The following GAP43 variants were observed in gnomAD, a reference collection of about 807,000 sequenced individuals.
GAP43 encodes the protein neuromodulin.
GAP43 carries 6 observed loss-of-function variants against 18.6 expected under a neutral mutation model. That is an observed-to-expected ratio of 0.32 (90% CI 0.18 to 0.64). The LOEUF (loss-of-function observed/expected upper bound fraction) is 0.64. Among genes scored for constraint, GAP43 ranks in the 30% least tolerant of loss-of-function variants. The probability of loss-of-function intolerance (pLI) is 0.78; values close to 1 mark genes in which losing one functional copy is unlikely to be tolerated. For missense variants in GAP43, 292 were observed against 295.5 expected, an observed-to-expected ratio of 0.99 and a Z score of 0.09; for synonymous variants, 115 against 111.4, an observed-to-expected ratio of 1.03 and a Z score of -0.20.
At position 115,635,599 on chromosome 3, in the gene GAP43, C is replaced by A. The variant is rs575627863; in HGVS notation, c.30+11880C>A. Reference sequence around the variant, plus strand: ...CTTCTAGTAAAAACTGTCATGGGATCGTTAATGACCACAGATGGCTCAGAC... The same window carrying A: ...CTTCTAGTAAAAACTGTCATGGGATAGTTAATGACCACAGATGGCTCAGAC... On this transcript the variant is annotated intron_variant, in intron 1 of 2. Transcript: ENST00000305124. Among the ~76,000 whole-genome samples the A allele has an allele frequency of 3.2e-4, 49 of 151,920 alleles. No homozygotes were observed. The East Asian group carries it at 9.3e-3, about 29-fold the overall frequency.
chr3:115,674,175 G>T (rs142081132), intron 1 of GAP43, among the ~76,000 whole-genome samples: 1 of 152,152 alleles, frequency 6.6e-6, no homozygotes, highest in Non-Finnish European at 1.5e-5. Flanking sequence ...GAGAAGAGGC[G>T]CCGAACATGT....
chr3:115,682,095 G>A (rs1708963973), intron 2 of GAP43, among the ~76,000 whole-genome samples: 1 of 152,160 alleles, frequency 6.6e-6, no homozygotes, highest in Non-Finnish European at 1.5e-5. Context: ...TTACAGATGG[G>A]TGTCTAGTAA....
intron 2 of GAP43, among the ~76,000 whole-genome samples, chr3:115,708,783 G>A (rs1709396994): frequency 6.6e-6 from 1 of 152,068 alleles, no homozygotes. Flanking sequence ...GGCAGCTGGG[G>A]GATGGGAGCA....
chr3:115,646,126 C>A (rs993566634), intron 1 of GAP43, among the ~76,000 whole-genome samples: 1 of 152,110 alleles, frequency 6.6e-6, no homozygotes, highest in Non-Finnish European at 1.5e-5. Context: ...TCCTATTATT[C>A]TTTCACTGTC....
chr3:115,676,774 G>A (rs553863254), intron 2 of GAP43, among the ~76,000 whole-genome samples, 164 bp downstream of exon 2: 1 of 152,042 alleles, frequency 6.6e-6, no homozygotes, highest in Non-Finnish European at 1.5e-5. Context: ...AGGACTAAGA[G>A]CTAAGGTTAC....
chr3:115,682,021 C>T lies in GAP43; in HGVS notation c.628+5411C>T, dbSNP rs187977300. ...CCAACAATGTGTTATAATATAAGAA[C>T]ATCTCTCTTCTTTGGATAATTGGAT... On this transcript the variant is annotated intron_variant, in intron 2 of 2. Coordinates refer to ENST00000305124, the MANE Select transcript of GAP43 (RefSeq NM_002045.4). Among the ~76,000 whole-genome samples, 3 of 152,332 alleles carry T rather than the reference C, an allele frequency of 2.0e-5. No individual in the cohort carries two copies. In the East Asian group the frequency reaches 5.8e-4, roughly 29 times the overall value.
At chr3:115,660,357 C>A (rs1708642311) in intron 1 of GAP43, among the ~76,000 whole-genome samples, 2 of 152,168 alleles carry the variant, frequency 1.3e-5, no homozygotes, top group Admixed American at 1.3e-4. Flanking sequence ...CAGATAACTT[C>A]TTAGATGTTT....
chr3:115,719,559 G>A (rs985702016), intron 2 of GAP43, among the ~76,000 whole-genome samples: 1 of 152,182 alleles, frequency 6.6e-6, no homozygotes, highest in African/African-American at 2.4e-5. Context: ...CCTAATAGAT[G>A]ACATCTTCCA....
At chr3:115,707,686 T>C (rs950408193) in intron 2 of GAP43, among the ~76,000 whole-genome samples, 2 of 152,202 alleles carry the variant, frequency 1.3e-5, no homozygotes, top group Admixed American at 6.5e-5. Context: ...TTATAGTAGA[T>C]ATCTATTTCT....
intron 1 of GAP43, among the ~76,000 whole-genome samples, chr3:115,665,357 A>G (rs1299807567): frequency 6.6e-6 from 1 of 152,096 alleles, no homozygotes; most frequent in Admixed American, 6.6e-5. Context: ...ATACTTTTCG[A>G]GTGTTCATTG....
chr3:115,652,389 A>ATTTTTTTTTTTTTTTTTTTTTTTTTT (rs1708531283), intron 1 of GAP43, among the ~76,000 whole-genome samples: 1 of 25,590 alleles, frequency 3.9e-5, no homozygotes, highest in African/African-American at 1.2e-4. Flanking sequence ...TTTTTTTGTG[A>ATTTTTTTTTTTTTTTTTTTTTTTTTT]TAGAGTCTTG....
intron 1 of GAP43, among the ~76,000 whole-genome samples, chr3:115,669,997 A>ATTTTTTTT (rs200282076): frequency 8.1e-6 from 1 of 123,510 alleles, no homozygotes; most frequent in Non-Finnish European, 1.7e-5. Flanking sequence ...TTTTTTTTTA[A>ATTTTTTTT]TTTTTTTTTT....
chr3:115,706,931 T>C (rs973161097), intron 2 of GAP43, among the ~76,000 whole-genome samples: 2 of 152,206 alleles, frequency 1.3e-5, no homozygotes, highest in Non-Finnish European at 2.9e-5. Context: ...AAAATGTTTA[T>C]TGTCATTTAA....
chr3:115,703,890 A>G (rs1709326791), intron 2 of GAP43, among the ~76,000 whole-genome samples: 1 of 152,114 alleles, frequency 6.6e-6, no homozygotes, highest in South Asian at 2.1e-4. Flanking sequence ...AAAATAAGTA[A>G]ACAGCTTGGA....
At chr3:115,696,584 C>A (rs9871719) in intron 2 of GAP43, among the ~76,000 whole-genome samples, 6,674 of 120,822 alleles carry the variant, frequency 0.055, 375 homozygotes, top group African/African-American at 0.084. Context: ...CACCGCCCCC[C>A]CCCCCCACAA....
intron 1 of GAP43, among the ~76,000 whole-genome samples, chr3:115,655,015 C>A (rs1427592817): frequency 1.3e-5 from 2 of 152,092 alleles, no homozygotes; most frequent in African/African-American, 4.8e-5. Context: ...TGATACTGGG[C>A]AAATCTCCAC....
intron 2 of GAP43, among the ~76,000 whole-genome samples, chr3:115,708,948 T>G (rs1709400878): frequency 6.6e-6 from 1 of 150,402 alleles, no homozygotes; most frequent in Non-Finnish European, 1.5e-5. Context: ...GGGTTTTTTT[T>G]TTTTTTTTTT....
At chr3:115,714,249 T>C (rs925822882) in intron 2 of GAP43, among the ~76,000 whole-genome samples, 1 of 152,218 alleles carries the variant, frequency 6.6e-6, no homozygotes, top group African/African-American at 2.4e-5. Flanking sequence ...ATCAAGAATA[T>C]ATGAATTTAC....
At position 115,720,894 on chromosome 3, in the gene GAP43, TG is replaced by T; in HGVS notation, c.*14del. 1 of 1,598,986 alleles carries T rather than the reference TG, an allele frequency of 6.3e-7. No homozygotes were observed. The highest frequency in any genetic ancestry group is 1.7e-5 in the Admixed American group (1 of 59,752). On this transcript the variant is annotated 3_prime_UTR_variant, in exon 3 of 3. Coordinates refer to ENST00000305124, the MANE Select transcript of GAP43 (RefSeq NM_002045.4). The stretch of plus-strand genomic sequence containing the variant: ...AAGAACATGCCTGAACTCTAAGAAA[TG>T]GCTTTCCACATCCCCACCCTCCCCT...
Sources: gnomAD v4.1 joint callset for allele counts (sites outside exome capture counted in the v4.1 genomes callset) on GRCh38, gnomAD v4.1.1 for gene constraint, MANE v1.5 for transcripts, NCBI Gene and HGNC (gene_info 2026-07-23, HGNC 2026-07-21) for gene names.